Variants in NTM observed in about 807,000 individuals in gnomAD.
The protein encoded by NTM is IgLON family member 2.
A neutral mutation model predicts 42.1 loss-of-function variants in NTM; 13 were observed. That is an observed-to-expected ratio of 0.31 (90% confidence interval 0.20 to 0.49). The LOEUF is 0.49. NTM is among the 20% of genes least tolerant of loss of function. The pLI, the probability that NTM is intolerant of heterozygous loss-of-function variation, is 0.99. For missense variants in NTM, 373 were observed against 452.8 expected (o/e 0.82, Z 1.60); for synonymous variants, 187 against 179.2 (o/e 1.04, Z -0.35).
At chr11:132,311,539 A>G (rs2136106848) in intron 6 of NTM, among the ~76,000 whole-genome samples, 1 of 152,302 alleles carries the variant, frequency 6.6e-6, no homozygotes, top group Admixed American at 6.5e-5. Context: ...TCTGATAAAT[A>G]TGGTTTCCTT....
At chr11:131,858,931 A>G (rs1173112999) in intron 1 of NTM, among the ~76,000 whole-genome samples, 2 of 152,238 alleles carry the variant, frequency 1.3e-5, no homozygotes, top group African/African-American at 2.4e-5. Context: ...TAGCTAGTAG[A>G]GAGCAACTTC....
At chr11:131,910,589 C>A (rs2054640486) in intron 1 of NTM, among the ~76,000 whole-genome samples, 1 of 151,030 alleles carries the variant, frequency 6.6e-6, no homozygotes, top group South Asian at 2.1e-4. Context: ...CCATGACAAC[C>A]CCGGCGGTCG....
At chr11:132,000,869 G>A (rs12419881) in intron 2 of NTM, among the ~76,000 whole-genome samples, 40,265 of 152,058 alleles carry the variant, frequency 0.26, 5,603 homozygotes, top group Admixed American at 0.3. Flanking sequence ...AGGAAGTAAG[G>A]GTAAGAAATG....
intron 2 of NTM, among the ~76,000 whole-genome samples, chr11:132,021,229 T>C (rs2074277268): frequency 6.6e-6 from 1 of 152,180 alleles, no homozygotes; most frequent in African/African-American, 2.4e-5. Context: ...GTTCTCTTTA[T>C]ACTTTTGTTT....
At chr11:132,176,746 T>TTTTTTA (rs869080134) in intron 3 of NTM, among the ~76,000 whole-genome samples, 4 of 148,026 alleles carry the variant, frequency 2.7e-5, no homozygotes, top group Non-Finnish European at 5.9e-5. Context: ...TTTTTTTTTT[T>TTTTTTA]AGACAGAGTC....
At position 132,104,576 on chromosome 11, in the gene NTM, A is replaced by ACCCC. The variant is rs139338697; in HGVS notation, c.168-41700_168-41697dup. Reference sequence around the variant, plus strand: ...AGACCAGCCTGGGAAACATAGTGGGACCCCCCCCCACCAAAAATAATAATA... The same window carrying ACCCC: ...AGACCAGCCTGGGAAACATAGTGGGACCCCCCCCCCCCCACCAAAAATAATAATA... On this transcript the variant is annotated intron_variant, in intron 2 of 8. Coordinates refer to ENST00000683400, the MANE Select transcript of NTM (RefSeq NM_001352005.2). 7.3e-3 allele frequency among the ~76,000 whole-genome samples: 1,019 copies of ACCCC among 139,454 alleles called. 14 individuals are homozygous for ACCCC. The highest frequency in any genetic ancestry group is 0.025 in the African/African-American group (899 of 36,544). The allele number at this position is 139,454 out of a possible 152,430, so 91.5% of individuals were successfully genotyped here. A position where few individuals can be genotyped will look rare whatever the true frequency, so the allele number is the denominator to read the frequency against.
Position 131,789,447 on chromosome 11 carries a change from A to G in NTM, c.83-122117A>G, listed in dbSNP as rs182791319. Among the ~76,000 whole-genome samples the G allele has an allele frequency of 8.3e-4, 9 of 10,806 alleles. 1 individual carries two copies. The highest frequency in any genetic ancestry group is 2.6e-3 in the Admixed American group (2 of 774). 7.1% of individuals were successfully genotyped at this position (10,806 alleles called of 152,430 possible). A position where few individuals can be genotyped will look rare whatever the true frequency, so the allele number is the denominator to read the frequency against. ...AGAAGAAGGAAGAAGAAGAAGAAGA[A>G]GAAGAAGAAGAAGAAGAAGAAGAAG... is the stretch of plus-strand genomic sequence containing the variant. On this transcript the variant is annotated intron_variant, in intron 1 of 8. Transcript: ENST00000683400.
intron 1 of NTM, among the ~76,000 whole-genome samples, chr11:131,458,475 C>T (rs539173390): frequency 1.3e-5 from 2 of 152,304 alleles, no homozygotes; most frequent in South Asian, 2.1e-4. Context: ...CCCACCATCA[C>T]AAAATTCATC....
chr11:131,808,239 T>C (rs967198522), intron 1 of NTM, among the ~76,000 whole-genome samples: 1 of 152,234 alleles, frequency 6.6e-6, no homozygotes, highest in Non-Finnish European at 1.5e-5. Context: ...AGGCAGCTGA[T>C]AAAACCCTCT....
chr11:132,234,772 C>A (rs1423058714), intron 4 of NTM, among the ~76,000 whole-genome samples: 1 of 152,152 alleles, frequency 6.6e-6, no homozygotes, highest in African/African-American at 2.4e-5. Flanking sequence ...ATTTTTACAT[C>A]AAAAAATTAC....
chr11:131,850,858 G>C (rs1385858980), intron 1 of NTM, among the ~76,000 whole-genome samples: 1 of 152,218 alleles, frequency 6.6e-6, no homozygotes, highest in East Asian at 1.9e-4. Context: ...GATTTCTTGA[G>C]GAGAAGAAGA....
intron 2 of NTM, among the ~76,000 whole-genome samples, chr11:131,971,915 G>A (rs551887587): frequency 2.0e-5 from 3 of 151,718 alleles, no homozygotes; most frequent in South Asian, 2.1e-4. Context: ...GTGTGGTGGT[G>A]GGCGCCTGTA....
At chr11:131,420,114 G>A (rs563081638) in intron 1 of NTM, among the ~76,000 whole-genome samples, 31 of 152,148 alleles carry the variant, frequency 2.0e-4, no homozygotes, top group Non-Finnish European at 4.3e-4. Flanking sequence ...GGGTGTCTAG[G>A]CCCTAGTCTC....
intron 4 of NTM, among the ~76,000 whole-genome samples, chr11:132,285,379 T>C (rs1254146694): frequency 6.6e-6 from 1 of 152,194 alleles, no homozygotes; most frequent in Non-Finnish European, 1.5e-5. Flanking sequence ...TTGTTGTTAA[T>C]TGTCATGCAC....
chr11:131,821,981 T>TTA (rs1322462998), intron 1 of NTM, among the ~76,000 whole-genome samples: 1 of 152,236 alleles, frequency 6.6e-6, no homozygotes, highest in Non-Finnish European at 1.5e-5. Flanking sequence ...AAGTGAAATT[T>TTA]TACTTTGAGA....
At chr11:131,921,854 T>G (rs1704356672) in intron 2 of NTM, among the ~76,000 whole-genome samples, 2 of 152,032 alleles carry the variant, frequency 1.3e-5, no homozygotes, top group Admixed American at 1.3e-4. Context: ...TCTTCTCAGT[T>G]ATCTCGACCA....
chr11:131,421,197 A>G (rs1947481050), intron 1 of NTM, among the ~76,000 whole-genome samples: 1 of 152,206 alleles, frequency 6.6e-6, no homozygotes, highest in South Asian at 2.1e-4. Context: ...TCTGGCTGCA[A>G]TCTGCCTCCT....
intron 1 of NTM, among the ~76,000 whole-genome samples, chr11:131,476,829 C>T (rs759148050): frequency 7.4e-5 from 10 of 134,736 alleles, no homozygotes; most frequent in Non-Finnish European, 6.2e-5. Context: ...ATCTCAGGGG[C>T]TAAATACTAT....
At chr11:131,439,232 A>G (rs1209252859) in intron 1 of NTM, among the ~76,000 whole-genome samples, 1 of 152,112 alleles carries the variant, frequency 6.6e-6, no homozygotes, top group Non-Finnish European at 1.5e-5. Context: ...CCCTACTGGG[A>G]GGTGTCTCCC....
Sources: gnomAD v4.1 joint callset for allele counts (sites outside exome capture counted in the v4.1 genomes callset) on GRCh38, gnomAD v4.1.1 for gene constraint, MANE v1.5 for transcripts, NCBI Gene and HGNC (gene_info 2026-07-23, HGNC 2026-07-21) for gene names.